The following DACH2 variants were observed in gnomAD, a reference collection of about 807,000 sequenced individuals.
DACH2 encodes dachshund family transcription factor 2.
In DACH2, 17 loss-of-function variants were observed where a neutral mutation model predicts 35.8. The observed-to-expected ratio is 0.48, with a 90% CI of 0.33 to 0.71. The LOEUF is 0.71. Among genes scored for constraint, DACH2 ranks in the 30% least tolerant of loss-of-function variants. The pLI is 0.02. For synonymous variants in DACH2, 195 were observed against 177.3 expected, an observed-to-expected ratio of 1.10 and a Z score of -0.79; for missense variants, 469 against 472.7, an observed-to-expected ratio of 0.99 and a Z score of 0.07.
intron 7 of DACH2, among the ~76,000 whole-genome samples, chrX:86,755,542 A>G (rs1484361037): frequency 1.9e-5 from 2 of 106,950 alleles, no homozygotes; most frequent in South Asian, 4.1e-4. Flanking sequence ...TTCTTCTAGT[A>G]GTTTTATAGT....
At position 86,332,148 on chromosome X, in the gene DACH2, A is replaced by T. The variant is rs753270416; in HGVS notation, c.489-44676A>T. On this transcript the variant is annotated intron_variant, in intron 1 of 11. Coordinates refer to ENST00000373125, the MANE Select transcript of DACH2 (RefSeq NM_053281.3). ...AGTCACTAAGCTTGGAATCCAGAAA[A>T]CATTGTATGTGGTAGGTAAAATTTT... Among the ~76,000 whole-genome samples the T allele has an allele frequency of 2.7e-5, 3 of 111,438 alleles. No homozygotes were observed. In the South Asian group the frequency reaches 1.1e-3, roughly 42 times the overall value.
chrX:86,311,065 CT>C (rs2034790520), intron 1 of DACH2, among the ~76,000 whole-genome samples: 1 of 111,859 alleles, frequency 8.9e-6, no homozygotes, highest in South Asian at 3.8e-4. Context: ...ACACCAAGCC[CT>C]TGATATAGCA....
At chrX:86,810,604 G>A (rs1262701749) in intron 7 of DACH2, among the ~76,000 whole-genome samples, 1 of 111,310 alleles carries the variant, frequency 9.0e-6, no homozygotes, top group East Asian at 2.8e-4. Context: ...ATGCATTCAC[G>A]TGGAGAAGAA....
intron 6 of DACH2, among the ~76,000 whole-genome samples, chrX:86,718,713 A>G (rs1312008147): frequency 8.9e-6 from 1 of 111,931 alleles, no homozygotes; most frequent in Non-Finnish European, 1.9e-5. Flanking sequence ...AAAGTTTCCC[A>G]GCACCATTTG....
rs753815694 is a variant in DACH2, at chrX:86,510,555, G to A, written c.528-3724G>A. Among the ~76,000 whole-genome samples, 235 of 111,780 alleles carry A rather than the reference G, an allele frequency of 2.1e-3. 2 individuals carry two copies. The highest frequency in any genetic ancestry group is 3.4e-3 in the Non-Finnish European group (178 of 53,076). On this transcript the variant is annotated intron_variant, in intron 2 of 11. Transcript: ENST00000373125. Reference sequence around the variant, plus strand: ...TTCTAAAGAAGTTTACAGAATGACGGGGAAATCATATGAGGATAAATTATG... The same window carrying A: ...TTCTAAAGAAGTTTACAGAATGACGAGGAAATCATATGAGGATAAATTATG...
chrX:86,493,592 G>A (rs1569420361), intron 2 of DACH2, among the ~76,000 whole-genome samples: 1 of 111,372 alleles, frequency 9.0e-6, no homozygotes, highest in Non-Finnish European at 1.9e-5. Context: ...GTACATGCAT[G>A]TGTGCATGCA....
At chrX:86,469,794 C>T (rs1309212142) in intron 2 of DACH2, among the ~76,000 whole-genome samples, 1 of 109,962 alleles carries the variant, frequency 9.1e-6, no homozygotes, top group Non-Finnish European at 1.9e-5. Flanking sequence ...CCCATGCATT[C>T]TACTAGGCTT....
chrX:86,274,526 G>T (rs1230128399), intron 1 of DACH2, among the ~76,000 whole-genome samples: 1 of 69,225 alleles, frequency 1.4e-5, no homozygotes, highest in Non-Finnish European at 2.4e-5. Context: ...GACGGATCTC[G>T]CTCTGTCGCC....
In DACH2 at chrX:86,636,372, C is replaced by T. The variant is rs375254443; in HGVS notation, c.641-14664C>T. Among the ~76,000 whole-genome samples, 43 of 109,724 alleles carry T rather than the reference C, an allele frequency of 3.9e-4. No homozygotes were observed. In the East Asian group the frequency reaches 8.1e-3, roughly 21 times the overall value. On this transcript the variant is annotated intron_variant, in intron 3 of 11. Transcript: ENST00000373125. ...CTGAGACAGCAGAATCACTTGAACG[C>T]GGGAGGCAGAGGTTGCAGTGAGCTG...
At position 86,832,139 on chromosome X, in the gene DACH2, A is replaced by AGTT. The variant is rs758710907; in HGVS notation, c.1787_1789dup (p.Leu596dup). ...TATTACTGTTTAGAAATGGCACAAC[A>AGTT]GTTGTATTCAGCCTGAAAGGTCCTC... On this transcript the variant is annotated inframe_insertion, in exon 12 of 12. Transcript: ENST00000373125. The AGTT allele has an allele frequency of 5.9e-6, 7 of 1,194,254 alleles. No homozygotes were observed. Among genetic ancestry groups the AGTT allele is most frequent in the Middle Eastern group, 2.3e-4 (1 of 4,313 alleles).
intron 1 of DACH2, among the ~76,000 whole-genome samples, chrX:86,329,278 G>GA (rs369627442): frequency 2.1e-4 from 23 of 109,284 alleles, no homozygotes; most frequent in East Asian, 2.9e-4. Flanking sequence ...TATGAAGGGG[G>GA]AAAAAAAAAT....
chrX:86,680,094 C>T (rs1291906262), intron 4 of DACH2, among the ~76,000 whole-genome samples: 2 of 111,298 alleles, frequency 1.8e-5, no homozygotes, highest in East Asian at 2.8e-4. Context: ...CAAAATATTC[C>T]GTTTTTTAAA....
intron 3 of DACH2, among the ~76,000 whole-genome samples, chrX:86,602,262 T>A (rs1471256980): frequency 8.9e-6 from 1 of 112,218 alleles, no homozygotes; most frequent in Non-Finnish European, 1.9e-5. Context: ...TAAGAAGATA[T>A]TTTTGTTGCT....
chrX:86,655,189 G>T (rs755799424), intron 4 of DACH2, among the ~76,000 whole-genome samples: 1 of 111,877 alleles, frequency 8.9e-6, no homozygotes, highest in Non-Finnish European at 1.9e-5. Context: ...CTTTCTGAAT[G>T]CTCATGGTTC....
intron 2 of DACH2, among the ~76,000 whole-genome samples, chrX:86,446,039 G>A (rs2037267834): frequency 1.8e-5 from 2 of 110,666 alleles, no homozygotes; most frequent in Admixed American, 1.9e-4. Context: ...CCCCAATGTT[G>A]GGTGCATATA....
intron 7 of DACH2, among the ~76,000 whole-genome samples, chrX:86,750,438 A>C (rs946600733): frequency 1.8e-5 from 2 of 111,862 alleles, no homozygotes; most frequent in Non-Finnish European, 3.8e-5. Flanking sequence ...TGTTGTAAAA[A>C]CTTAATATGC....
intron 2 of DACH2, among the ~76,000 whole-genome samples, chrX:86,410,916 A>C (rs1201538509): frequency 9.6e-6 from 1 of 103,681 alleles, no homozygotes; most frequent in African/African-American, 3.5e-5. Flanking sequence ...TTTTTGCCAC[A>C]TTTGCTTTGT....
At chrX:86,279,429 C>A (rs2033981816) in intron 1 of DACH2, among the ~76,000 whole-genome samples, 1 of 111,930 alleles carries the variant, frequency 8.9e-6, no homozygotes, top group Non-Finnish European at 1.9e-5. Context: ...AGCAGACCTG[C>A]AGCAGAGGGG....
At chrX:86,227,165 A>G (rs1203638784) in intron 1 of DACH2, among the ~76,000 whole-genome samples, 1 of 111,705 alleles carries the variant, frequency 9.0e-6, no homozygotes, top group Non-Finnish European at 1.9e-5. Context: ...ACCAATATTC[A>G]TTTTAAGCCA....
Sources: allele counts gnomAD v4.1 joint callset (sites outside exome capture counted in the v4.1 genomes callset), GRCh38; gene constraint gnomAD v4.1.1; transcripts MANE v1.5; gene names NCBI Gene and HGNC (gene_info 2026-07-23, HGNC 2026-07-21).